The following KPNA5 variants were observed in gnomAD, a reference collection of about 807,000 sequenced individuals.
The protein encoded by KPNA5 is karyopherin subunit alpha 5, also known as importin subunit alpha-6.
Under a neutral mutation model 71.3 loss-of-function variants are expected in KPNA5, and 46 were observed. The ratio of observed to expected loss-of-function variants is 0.65; its 90% confidence interval spans 0.51 to 0.83. The LOEUF is 0.83. Among genes scored for constraint, KPNA5 ranks in the 40% least tolerant of loss-of-function variants. The pLI is 0.00. For missense variants in KPNA5, 547 were observed against 628.3 expected (o/e 0.87, Z 1.38); for synonymous variants, 207 against 201.4 (o/e 1.03, Z -0.24).
chr6:116,702,255 A>C lies in KPNA5; in HGVS notation c.567+105A>C, dbSNP rs568625827. On this transcript the variant is annotated intron_variant, in intron 6 of 13. Coordinates refer to ENST00000368564, the MANE Select transcript of KPNA5 (RefSeq NM_001366306.2). The stretch of plus-strand genomic sequence containing the variant: ...ATTCATTTTTGTTTCTAATTGCTGT[A>C]TATTGCATTAAATTGTAGTAGTGTT... The C allele has an allele frequency of 3.6e-4, 412 of 1,160,514 alleles. 2 individuals carry two copies. The South Asian group carries it at 5.6e-3, about 16-fold the overall frequency. The allele number at this position is 1,160,514 out of a possible 1,614,324, so 71.9% of individuals were successfully genotyped here. A position where few individuals can be genotyped will look rare whatever the true frequency, so the allele number is the denominator to read the frequency against.
rs1779710090 is a variant in KPNA5, at chr6:116,737,342, G to C, written c.*5019G>C. On this transcript the variant is annotated 3_prime_UTR_variant, in exon 14 of 14. Transcript: ENST00000368564. ...CCTTGTGCTTTCAGGTGATTCTTTA[G>C]AAGGCCTTGGGTAGTAGTCACATGT... The C allele has an allele frequency of 2.6e-5, 4 of 151,918 alleles. No individual in the cohort carries two copies. Among genetic ancestry groups the C allele is most frequent in the African/African-American group, 7.2e-5 (3 of 41,392 alleles). 9.4% of individuals were successfully genotyped at this position (151,918 alleles called of 1,614,324 possible).
intron 1 of KPNA5, among the ~76,000 whole-genome samples, chr6:116,685,572 A>T (rs1295832397): frequency 6.6e-6 from 1 of 152,216 alleles, no homozygotes; most frequent in Non-Finnish European, 1.5e-5. Flanking sequence ...TTTGCTAAGG[A>T]TAATGTCCTC....
rs548811646 is a variant in KPNA5 at position 116,702,196 on chromosome 6, C to T, written c.567+46C>T. 2.5e-4 allele frequency: 389 copies of T among 1,569,910 alleles called. 4 individuals are homozygous for T. The South Asian group carries it at 4.4e-3, about 18-fold the overall frequency. On this transcript the variant is annotated intron_variant, in intron 6 of 13. Transcript: ENST00000368564. ...GTTGTATGTACTAGAATTCAGTTTT[C>T]TCTTGAAAGTACCATTTGTAATTAC...
At chr6:116,694,644 C>T (rs148295865) in intron 4 of KPNA5, among the ~76,000 whole-genome samples, 6,759 of 151,510 alleles carry the variant, frequency 0.045, 212 homozygotes, top group Middle Eastern at 0.099. Flanking sequence ...TGGGCTGAGA[C>T]GATGGGGTTT....
intron 8 of KPNA5, 117 bp from the exon 9 acceptor site, chr6:116,722,009 T>C: frequency 1.5e-6 from 1 of 658,280 alleles, no homozygotes; most frequent in Non-Finnish European, 2.4e-6. Flanking sequence ...ACAATATAAA[T>C]TTTCTGGTAT....
intron 9 of KPNA5, among the ~76,000 whole-genome samples, chr6:116,722,678 G>C (rs922732398): frequency 2.0e-5 from 3 of 152,120 alleles, no homozygotes; most frequent in African/African-American, 7.2e-5. Flanking sequence ...ATTAATTTGA[G>C]TAAAAGTCCA....
At chr6:116,688,280 C>G (rs1409899127) in intron 1 of KPNA5, among the ~76,000 whole-genome samples, 3 of 152,132 alleles carry the variant, frequency 2.0e-5, no homozygotes, top group Non-Finnish European at 4.4e-5. Context: ...TCTTCAATAT[C>G]AGGGATGGCA....
Position 116,712,610 on chromosome 6 carries a change from A to G in KPNA5, c.657-3609A>G, listed in dbSNP as rs186195015. ...TTAATATAACTACTGATAAATGGGG[A>G]CTTACTTTTGCCGTTTTACTATTAG... On this transcript the variant is annotated intron_variant, in intron 7 of 13. Coordinates refer to ENST00000368564, the MANE Select transcript of KPNA5 (RefSeq NM_001366306.2). Among the ~76,000 whole-genome samples, 686 of 152,120 alleles carry G rather than the reference A, an allele frequency of 4.5e-3. 6 individuals carry two copies. Among genetic ancestry groups the G allele is most frequent in the African/African-American group, 0.016 (651 of 41,496 alleles).
At chr6:116,717,981 A>G (rs910362259) in intron 8 of KPNA5, among the ~76,000 whole-genome samples, 1 of 152,116 alleles carries the variant, frequency 6.6e-6, no homozygotes, top group Non-Finnish European at 1.5e-5. Flanking sequence ...TTCAGTTAAC[A>G]CTTTAGTGCA....
intron 1 of KPNA5, chr6:116,681,606 T>A: frequency 1.8e-6 from 2 of 1,101,574 alleles, no homozygotes; most frequent in Non-Finnish European, 2.3e-6. Context: ...GCTGGTCTCA[T>A]CTTCGCCGCC....
At chr6:116,687,209 G>A (rs918932892) in intron 1 of KPNA5, among the ~76,000 whole-genome samples, 7 of 152,070 alleles carry the variant, frequency 4.6e-5, no homozygotes, top group African/African-American at 7.2e-5. Context: ...ATTTCTTTTA[G>A]CAGCGTTTTG....
chr6:116,695,983 C>A, intron 4 of KPNA5, among the ~76,000 whole-genome samples: 1 of 152,036 alleles, frequency 6.6e-6, no homozygotes, highest in East Asian at 1.9e-4. Context: ...TTTTCTACCC[C>A]TTTCTTACCC....
chr6:116,728,277 T>C (rs1779353922), intron 12 of KPNA5, among the ~76,000 whole-genome samples: 3 of 152,178 alleles, frequency 2.0e-5, no homozygotes, highest in Admixed American at 6.6e-5. Flanking sequence ...ATTTTTTCAA[T>C]TAATTTTTGT....
intron 10 of KPNA5, 93 bp from the exon 11 acceptor site, chr6:116,725,658 A>G: frequency 8.9e-7 from 1 of 1,128,326 alleles, no homozygotes; most frequent in Non-Finnish European, 1.2e-6. Flanking sequence ...CACTTTCTAG[A>G]ATGGGTTTTG....
intron 11 of KPNA5, 55 bp downstream of exon 11, chr6:116,725,931 G>A (rs1180109624): frequency 6.5e-7 from 1 of 1,545,900 alleles, no homozygotes; most frequent in Non-Finnish European, 8.7e-7. Flanking sequence ...AGCCAGTTTG[G>A]ACAAAAGTTA....
intron 1 of KPNA5, chr6:116,681,553 G>A (rs1237963933): frequency 1.5e-6 from 2 of 1,336,188 alleles, no homozygotes; most frequent in African/African-American, 3.1e-5. Context: ...CGAAGGCGTG[G>A]TGAGTTCAGA....
In KPNA5 at chr6:116,732,074, TTA is replaced by T. The variant is rs2243369; in HGVS notation, c.1433-15_1433-14del. On this transcript the variant is annotated intron_variant, in intron 13 of 13. Coordinates refer to ENST00000368564, the MANE Select transcript of KPNA5 (RefSeq NM_001366306.2). ...TACTGAAATTGTAGTAACAGTTTGT[TTA>T]TATATATATATATATATATATATAT... 4.1e-3 allele frequency: 275 copies of T among 67,668 alleles called. 1 individual carries two copies. Among genetic ancestry groups the T allele is most frequent in the Middle Eastern group, 8.6e-3 (1 of 116 alleles). The allele number at this position is 67,668 out of a possible 1,614,324, so 4.2% of individuals were successfully genotyped here.
chr6:116,701,231 T>C (rs1381101154), intron 5 of KPNA5, among the ~76,000 whole-genome samples: 1 of 152,188 alleles, frequency 6.6e-6, no homozygotes, highest in African/African-American at 2.4e-5. Context: ...ATGTGAAATA[T>C]TAAAAAAATT....
intron 8 of KPNA5, 64 bp downstream of exon 8, chr6:116,716,382 T>C: frequency 9.1e-7 from 1 of 1,104,762 alleles, no homozygotes; most frequent in East Asian, 2.5e-5. Context: ...ATATAATAGC[T>C]TTTTGATGTT....
Sources: gnomAD v4.1 joint callset for allele counts (sites outside exome capture counted in the v4.1 genomes callset) on GRCh38, gnomAD v4.1.1 for gene constraint, MANE v1.5 for transcripts, NCBI Gene and HGNC (gene_info 2026-07-23, HGNC 2026-07-21) for gene names.